The following CDH13 variants were observed in gnomAD, a reference collection of about 807,000 sequenced individuals.
CDH13 encodes cadherin 13.
Under a neutral mutation model 63.8 loss-of-function variants are expected in CDH13, and 24 were observed. The ratio of observed to expected loss-of-function variants is 0.38; its 90% CI spans 0.27 to 0.53. CDH13 has a LOEUF of 0.53. Ranked by LOEUF, CDH13 falls within the 20% of genes least tolerant of loss-of-function variation. The probability of loss-of-function intolerance (pLI) is 0.85; values close to 1 mark genes in which losing one functional copy is unlikely to be tolerated. For synonymous variants in CDH13, 503 were observed against 355.3 expected (o/e 1.42, Z -4.67); for missense variants, 1,049 against 903.1 (o/e 1.16, Z -2.07).
chr16:83,327,983 A>G (rs568014938), intron 5 of CDH13, among the ~76,000 whole-genome samples: 4 of 152,224 alleles, frequency 2.6e-5, no homozygotes, highest in East Asian at 3.9e-4. Context: ...ATATGAAAAA[A>G]TTAGCAGGGT....
intron 7 of CDH13, among the ~76,000 whole-genome samples, chr16:83,516,088 T>C (rs2074692965): frequency 6.6e-6 from 1 of 152,218 alleles, no homozygotes; most frequent in Admixed American, 6.5e-5. Context: ...TAAGAGCATG[T>C]GGTGGGTTCT....
chr16:83,185,921 G>T (rs556813573), intron 4 of CDH13, among the ~76,000 whole-genome samples: 1 of 152,234 alleles, frequency 6.6e-6, no homozygotes, highest in African/African-American at 2.4e-5. Flanking sequence ...TATCCATGGA[G>T]TATGTCCGAA....
chr16:83,524,233 C>T (rs142035648), intron 7 of CDH13, among the ~76,000 whole-genome samples: 40 of 152,240 alleles, frequency 2.6e-4, no homozygotes, highest in African/African-American at 9.1e-4. Context: ...AAGAATAAAT[C>T]AGCATGCAGT....
intron 4 of CDH13, among the ~76,000 whole-genome samples, chr16:83,160,778 T>A (rs2037413566): frequency 6.6e-6 from 1 of 152,246 alleles, no homozygotes; most frequent in African/African-American, 2.4e-5. Context: ...ACCTCCTGCC[T>A]GCACAACAAC....
At chr16:83,662,861 C>A (rs60978336) in intron 8 of CDH13, among the ~76,000 whole-genome samples, 15,334 of 152,158 alleles carry the variant, frequency 0.1, 845 homozygotes, top group East Asian at 0.21. Flanking sequence ...GAGGTTCCAA[C>A]AGACAAGAAC....
At chr16:83,608,335 C>G (rs771865761) in intron 8 of CDH13, among the ~76,000 whole-genome samples, 1 of 152,198 alleles carries the variant, frequency 6.6e-6, no homozygotes, top group African/African-American at 2.4e-5. Flanking sequence ...GAGTTAGGAG[C>G]TGTCAAGCTG....
At chr16:82,760,599 CAG>C (rs1484803532) in intron 1 of CDH13, among the ~76,000 whole-genome samples, 1 of 152,100 alleles carries the variant, frequency 6.6e-6, no homozygotes, top group African/African-American at 2.4e-5. Context: ...AAGAGGGAAA[CAG>C]AAGTTATTTC....
intron 1 of CDH13, among the ~76,000 whole-genome samples, chr16:82,627,818 C>T (rs933376508): frequency 2.0e-5 from 3 of 152,208 alleles, no homozygotes; most frequent in Non-Finnish European, 4.4e-5. Flanking sequence ...CGCCAGGGCG[C>T]AGGCCCCAGC....
At chr16:82,870,008 A>G (rs2040288950) in intron 2 of CDH13, among the ~76,000 whole-genome samples, 1 of 152,212 alleles carries the variant, frequency 6.6e-6, no homozygotes, top group Non-Finnish European at 1.5e-5. Context: ...CTTCCTGCAT[A>G]GCAAAGGAAA....
chr16:83,227,828 C>T (rs2039887383), intron 5 of CDH13, among the ~76,000 whole-genome samples: 1 of 152,130 alleles, frequency 6.6e-6, no homozygotes. Flanking sequence ...ACCTGGGGGC[C>T]GATTCATTCA....
chr16:83,128,253 G>C (rs1236022994), intron 4 of CDH13, among the ~76,000 whole-genome samples: 8 of 152,268 alleles, frequency 5.3e-5, no homozygotes, highest in Non-Finnish European at 1.0e-4. Flanking sequence ...CAGCCGAGGT[G>C]GAGGACTGCC....
intron 3 of CDH13, among the ~76,000 whole-genome samples, chr16:83,109,885 C>A (rs957243729): frequency 1.3e-5 from 2 of 152,196 alleles, no homozygotes; most frequent in African/African-American, 2.4e-5. Context: ...ACATTTTTCA[C>A]CTCCAGTAAA....
intron 6 of CDH13, among the ~76,000 whole-genome samples, chr16:83,485,032 A>C (rs2073854909): frequency 1.3e-5 from 2 of 152,228 alleles, no homozygotes; most frequent in South Asian, 2.1e-4. Context: ...CCTCAACCTA[A>C]CATTTTTACT....
chr16:83,754,075 C>G (rs1913309288), intron 11 of CDH13, among the ~76,000 whole-genome samples: 1 of 152,022 alleles, frequency 6.6e-6, no homozygotes, highest in Non-Finnish European at 1.5e-5. Context: ...GCTTTTGTGA[C>G]AAACTGGAAA....
In CDH13 at chr16:83,314,527, A is replaced by T. The variant is rs141732821; in HGVS notation, c.637-30335A>T. ...GATCAATATGCCTCATCATGGAAAGACTATTCCCTGAGATGGCATGTCAGT... is the reference window on the plus strand; with the variant it reads ...GATCAATATGCCTCATCATGGAAAGTCTATTCCCTGAGATGGCATGTCAGT... On this transcript the variant is annotated intron_variant, in intron 5 of 13. Transcript: ENST00000567109. Among the ~76,000 whole-genome samples, 132 of 152,212 alleles carry T rather than the reference A, an allele frequency of 8.7e-4. 1 individual carries two copies. Among genetic ancestry groups the T allele is most frequent in the African/African-American group, 3.2e-3 (132 of 41,538 alleles).
chr16:82,806,750 T>G (rs1218983279), intron 1 of CDH13, among the ~76,000 whole-genome samples: 7 of 152,126 alleles, frequency 4.6e-5, no homozygotes, highest in Non-Finnish European at 8.8e-5. Context: ...TGAACTCACA[T>G]GAAACAATGA....
At chr16:83,017,954 T>A (rs150182941) in intron 2 of CDH13, among the ~76,000 whole-genome samples, 1 of 152,344 alleles carries the variant, frequency 6.6e-6, no homozygotes, top group Non-Finnish European at 1.5e-5. Context: ...TCAAGTAGGT[T>A]GGGAAACAAG....
At chr16:83,428,790 A>G (rs747187561) in intron 6 of CDH13, among the ~76,000 whole-genome samples, 4 of 152,186 alleles carry the variant, frequency 2.6e-5, no homozygotes, top group African/African-American at 4.8e-5. Flanking sequence ...TGGAAAATCT[A>G]TTTGGTGCGT....
At chr16:83,244,255 A>C (rs1904762757) in intron 5 of CDH13, among the ~76,000 whole-genome samples, 1 of 152,042 alleles carries the variant, frequency 6.6e-6, no homozygotes, top group Non-Finnish European at 1.5e-5. Flanking sequence ...AATGGGCTTT[A>C]CTGTGTTGGC....
Sources: gnomAD v4.1 joint callset for allele counts (sites outside exome capture counted in the v4.1 genomes callset) on GRCh38, gnomAD v4.1.1 for gene constraint, MANE v1.5 for transcripts, NCBI Gene and HGNC (gene_info 2026-07-23, HGNC 2026-07-21) for gene names.